The following NBAS variants were observed in gnomAD, a reference collection of about 807,000 sequenced individuals.
NBAS encodes NBAS subunit of NRZ tethering complex, also known as NAG/BC035112 fusion.
A neutral mutation model predicts 302.5 loss-of-function variants in NBAS; 219 were observed. The ratio of observed to expected loss-of-function variants is 0.72; its 90% confidence interval spans 0.65 to 0.81. The LOEUF is 0.81. Ranked by LOEUF, NBAS falls within the 30% of genes least tolerant of loss-of-function variation. The pLI is 0.00. For missense variants in NBAS, 2,932 were observed against 2,841.6 expected (o/e 1.03, Z -0.72); for synonymous variants, 1,118 against 1,021.6 (o/e 1.09, Z -1.80).
At position 15,561,309 on chromosome 2, in the gene NBAS, G is replaced by C; in HGVS notation, c.-5C>G. 1 of 1,611,528 alleles carries C rather than the reference G, an allele frequency of 6.2e-7. No homozygotes were observed. On this transcript the variant is annotated 5_prime_UTR_variant, in exon 1 of 52. Transcript: ENST00000281513. The stretch of plus-strand genomic sequence containing the variant: ...CCCTGACTCGGGGGCCGCCATGTTC[G>C]CCGAGGACTCAGGCAGCGGAGGAGT...
At chr2:14,794,541 T>C in the NBAS span, among the ~76,000 whole-genome samples, 1 of 152,210 alleles carries the variant, frequency 6.6e-6, no homozygotes, top group Non-Finnish European at 1.5e-5. Context: ...CATATTCACT[T>C]ATAAATAAAT....
chr2:14,857,366 G>A, the NBAS span, among the ~76,000 whole-genome samples: 1 of 151,920 alleles, frequency 6.6e-6, no homozygotes, highest in Non-Finnish European at 1.5e-5. Context: ...AAGAGCCAAA[G>A]CTGTCATAAG....
the NBAS span, among the ~76,000 whole-genome samples, chr2:15,034,650 A>T: frequency 3.9e-5 from 6 of 152,108 alleles, no homozygotes; most frequent in African/African-American, 1.2e-4. Flanking sequence ...CAATAATCAG[A>T]GTATGAACTC....
At chr2:14,825,574 ATTC>A in the NBAS span, among the ~76,000 whole-genome samples, 1 of 152,172 alleles carries the variant, frequency 6.6e-6, no homozygotes, top group African/African-American at 2.4e-5. Context: ...AGGGCAATCC[ATTC>A]ATTCATGCAA....
intron 23 of NBAS, among the ~76,000 whole-genome samples, chr2:15,424,101 G>A (rs1344329825): frequency 6.6e-6 from 1 of 152,156 alleles, no homozygotes; most frequent in Admixed American, 6.5e-5. Flanking sequence ...AGGTTTTAAC[G>A]TTACTTTTAT....
chr2:14,785,753 T>A, the NBAS span, among the ~76,000 whole-genome samples: 8 of 152,330 alleles, frequency 5.3e-5, no homozygotes, highest in Admixed American at 3.9e-4. Flanking sequence ...TGCATCAATG[T>A]TCATCAAGGA....
At chr2:15,082,168 C>G in the NBAS span, among the ~76,000 whole-genome samples, 2 of 152,158 alleles carry the variant, frequency 1.3e-5, no homozygotes, top group Non-Finnish European at 1.5e-5. Context: ...TGGTTTTGTG[C>G]ATGAGTACCC....
chr2:15,416,247 A>T (rs1033531670), intron 24 of NBAS, among the ~76,000 whole-genome samples: 1 of 152,178 alleles, frequency 6.6e-6, no homozygotes, highest in Non-Finnish European at 1.5e-5. Context: ...TTTCATCTAT[A>T]AAAGTCAGGA....
chr2:15,156,666 A>G, the NBAS span, among the ~76,000 whole-genome samples: 4 of 152,146 alleles, frequency 2.6e-5, no homozygotes, highest in Non-Finnish European at 5.9e-5. Context: ...ACCTCTGAAT[A>G]CCATCATCTT....
At chr2:15,444,346 G>A (rs1006745208) in intron 21 of NBAS, among the ~76,000 whole-genome samples, 5 of 152,052 alleles carry the variant, frequency 3.3e-5, no homozygotes, top group African/African-American at 7.2e-5. Flanking sequence ...CAGAAATAAC[G>A]TCGCATATCT....
At chr2:15,015,685 C>G in the NBAS span, among the ~76,000 whole-genome samples, 1 of 152,106 alleles carries the variant, frequency 6.6e-6, no homozygotes, top group South Asian at 2.1e-4. Context: ...TAACATCATG[C>G]TTGATAGGGA....
At chr2:15,097,569 G>C in the NBAS span, among the ~76,000 whole-genome samples, 1 of 152,012 alleles carries the variant, frequency 6.6e-6, no homozygotes, top group African/African-American at 2.4e-5. Flanking sequence ...ATGGGGTTCT[G>C]GTAAGGACCC....
At chr2:15,129,389 C>A in the NBAS span, among the ~76,000 whole-genome samples, 1 of 152,238 alleles carries the variant, frequency 6.6e-6, no homozygotes, top group East Asian at 1.9e-4. Context: ...ATTCAGGCTG[C>A]GCTACAGTGG....
intron 51 of NBAS, among the ~76,000 whole-genome samples, chr2:15,168,010 G>A (rs1381253714): frequency 1.3e-5 from 2 of 152,052 alleles, no homozygotes; most frequent in South Asian, 2.1e-4. Flanking sequence ...TTTAAAAAAC[G>A]GTTTCATAGG....
intron 19 of NBAS, among the ~76,000 whole-genome samples, chr2:15,462,825 T>G (rs1679563566): frequency 6.6e-6 from 1 of 151,896 alleles, no homozygotes; most frequent in Non-Finnish European, 1.5e-5. Flanking sequence ...TTAAATAGAA[T>G]GAGTTTGAAA....
chr2:15,179,226 T>C, intron 50 of NBAS, 110 bp from the exon 51 acceptor site: 7 of 1,530,024 alleles, frequency 4.6e-6, no homozygotes, highest in Non-Finnish European at 5.4e-6. Flanking sequence ...TGTGTGTGTG[T>C]GTAAAGCCAC....
intron 25 of NBAS, among the ~76,000 whole-genome samples, chr2:15,415,066 C>T (rs960223324): frequency 1.3e-5 from 2 of 152,196 alleles, no homozygotes; most frequent in African/African-American, 4.8e-5. Flanking sequence ...AGAAAGTGTA[C>T]TGGTTAAGGA....
chr2:14,892,542 A>C, the NBAS span, among the ~76,000 whole-genome samples: 5,784 of 152,284 alleles, frequency 0.038, 140 homozygotes, highest in Non-Finnish European at 0.051. Flanking sequence ...TGTTTATATT[A>C]TACCGACTCT....
intron 21 of NBAS, among the ~76,000 whole-genome samples, chr2:15,435,543 G>GA (rs976371564): frequency 2.0e-5 from 3 of 152,204 alleles, no homozygotes; most frequent in African/African-American, 7.2e-5. Context: ...CACAGGCACA[G>GA]AAACAGTAAG....
Sources: gnomAD v4.1 joint callset for allele counts (sites outside exome capture counted in the v4.1 genomes callset) on GRCh38, gnomAD v4.1.1 for gene constraint, MANE v1.5 for transcripts, NCBI Gene and HGNC (gene_info 2026-07-23, HGNC 2026-07-21) for gene names.